KLB: variants seen among roughly 807,000 people sequenced by gnomAD.
KLB encodes the protein beta-klotho.
A neutral mutation model predicts 88.4 loss-of-function variants in KLB; 44 were observed. The observed-to-expected ratio is 0.50, with a 90% confidence interval of 0.39 to 0.64. The LOEUF is 0.64. Ranked by LOEUF, KLB falls within the 30% of genes least tolerant of loss-of-function variation. The pLI is 0.00. For missense variants in KLB, 1,137 were observed against 1,304.8 expected, an observed-to-expected ratio of 0.87 and a Z score of 1.98; for synonymous variants, 548 against 513.4, an observed-to-expected ratio of 1.07 and a Z score of -0.91.
intron 1 of KLB, among the ~76,000 whole-genome samples, chr4:39,419,804 C>T (rs944602979): frequency 9.4e-5 from 13 of 138,490 alleles, no homozygotes; most frequent in Non-Finnish European, 1.2e-4. Flanking sequence ...ATTAGCTGGG[C>T]GTAGTGGTGG....
chr4:39,407,382 G>T lies in KLB; in HGVS notation c.433G>T (p.Gly145Ter). The T allele has an allele frequency of 1.2e-6, 2 of 1,613,714 alleles. No homozygotes were observed. Among genetic ancestry groups the T allele is most frequent in the Non-Finnish European group, 1.7e-6 (2 of 1,179,944 alleles). ...AGACTTATCAGCCCTGGATTTTATAGGAGTTTCTTTTTATCAATTTTCAAT... is the reference window on the plus strand; with the variant it reads ...AGACTTATCAGCCCTGGATTTTATATGAGTTTCTTTTTATCAATTTTCAAT... ...EKDLSALDFIGVSFYQFSISW... is the reference protein window; with the variant it reads ...EKDLSALDFI Residue 145 changes from glycine to a stop codon, truncating the protein, a stop_gained, in exon 1 of 5, where the codon GGA (glycine) becomes TGA (stop). Transcript: ENST00000257408. LOFTEE classifies it high-confidence loss of function.
At chr4:39,420,854 C>T (rs1419691723) in intron 1 of KLB, among the ~76,000 whole-genome samples, 1 of 149,682 alleles carries the variant, frequency 6.7e-6, no homozygotes, top group African/African-American at 2.4e-5. Flanking sequence ...ATTTGTATTG[C>T]AAAACATTCA....
At position 39,447,411 on chromosome 4, in the gene KLB, G is replaced by A. The variant is rs138363861; in HGVS notation, c.2685G>A (p.Gln895=). 15 of 1,612,790 alleles carry A rather than the reference G, an allele frequency of 9.3e-6. No individual in the cohort carries two copies. The African/African-American group carries it at 1.5e-4, about 16-fold the overall frequency. The change falls in exon 4 of 5, where the codon CAG becomes CAA. Residue 895 remains glutamine, a synonymous_variant. Transcript: ENST00000257408. ...IYITASGIDD[Q]ALEDDRLRKY... The stretch of plus-strand genomic sequence containing the variant: ...TCACCGCCAGTGGCATCGACGACCA[G>A]GCTCTGGAGGATGACCGGCTCCGGA...
At position 39,444,188 on chromosome 4, in the gene KLB, T is replaced by G. The variant is rs982984245; in HGVS notation, c.1606-2144T>G. Among the ~76,000 whole-genome samples, 7 of 152,096 alleles carry G rather than the reference T, an allele frequency of 4.6e-5. No homozygotes were observed. The East Asian group carries it at 1.3e-3, about 29-fold the overall frequency. The stretch of plus-strand genomic sequence containing the variant: ...AACAAACAAACAAACAAACAAAACA[T>G]TCTTTCATGAACCTTGCCTTAATCA... On this transcript the variant is annotated intron_variant, in intron 3 of 4. Coordinates refer to ENST00000257408, the MANE Select transcript of KLB (RefSeq NM_175737.4).
chr4:39,434,697 A>G lies in KLB; in HGVS notation c.1313A>G (p.Asn438Ser). 1.2e-6 allele frequency: 2 copies of G among 1,613,078 alleles called. No homozygotes were observed. Among genetic ancestry groups the G allele is most frequent in the Non-Finnish European group, 1.7e-6 (2 of 1,179,506 alleles). Residue 438 changes from asparagine (N) to serine (S), a missense_variant, in exon 2 of 5, where the codon AAT (asparagine) becomes AGT (serine). This residue lies in a region of KLB where 597 missense variants were observed against 765.2 expected (regional missense o/e 0.78). Transcript: ENST00000257408. Reference protein sequence around the residue: ...EDTTAIYMMKNFLSQVLQAIR... With the variant: ...EDTTAIYMMKSFLSQVLQAIR... The stretch of plus-strand genomic sequence containing the variant: ...ACCACGGCCATCTACATGATGAAGA[A>G]TTTCCTCAGCCAGGTGCTTCAAGGT...
At chr4:39,438,959 C>G (rs755716876) in intron 3 of KLB, among the ~76,000 whole-genome samples, 11 of 150,432 alleles carry the variant, frequency 7.3e-5, no homozygotes, top group Admixed American at 2.0e-4. Context: ...TCCACATGCA[C>G]AGTGATTTAA....
At chr4:39,414,669 G>C (rs1205753665) in intron 1 of KLB, among the ~76,000 whole-genome samples, 1 of 151,768 alleles carries the variant, frequency 6.6e-6, no homozygotes, top group Non-Finnish European at 1.5e-5. Context: ...AGGAGTTCGA[G>C]ACCAGCCTGG....
At position 39,407,166 on chromosome 4, in the gene KLB, A is replaced by T. The variant is rs1242112374; in HGVS notation, c.217A>T (p.Ser73Cys). 6.2e-7 allele frequency: 1 copy of T among 1,614,150 alleles called. No individual in the cohort carries two copies. Among genetic ancestry groups the T allele is most frequent in the Admixed American group, 1.7e-5 (1 of 60,014 alleles). Residue 73 changes from serine (S) to cysteine (C), a missense_variant, in exon 1 of 5, where the codon AGT (serine) becomes TGT (cysteine). Physicochemically the swap from Ser to Cys is moderately radical, Grantham distance 112. Around this residue, in one of 4 missense-constraint regions of KLB, gnomAD observed 111 missense variants for 118.3 expected, o/e 0.94. Transcript: ENST00000257408. ...TCCTAATTTTACTCCGGTAAATGAA[A>T]GTCAGCTGTTTCTCTATGACACTTT... ...KNPNFTPVNE[S>C]QLFLYDTFPK...
rs1368306527 is a variant in KLB at position 39,450,875 on chromosome 4, AG to A, written c.*2191del. 2 of 151,312 alleles carry A rather than the reference AG, an allele frequency of 1.3e-5. No individual in the cohort carries two copies. The highest frequency in any genetic ancestry group is 1.9e-4 in the East Asian group (1 of 5,182). 9.4% of individuals were successfully genotyped at this position (151,312 alleles called of 1,614,324 possible). A position where few individuals can be genotyped will look rare whatever the true frequency, so the allele number is the denominator to read the frequency against. ...CAAGGGCTTGGGAAAAAAAAAAAAA[AG>A]GTTAGCCACAGGAATAACAAAAACC... On this transcript the variant is annotated 3_prime_UTR_variant, in exon 5 of 5. Transcript: ENST00000257408.
rs1277537330 is a variant in KLB, at chr4:39,446,023, T to C, written c.1606-309T>C. Among the ~76,000 whole-genome samples, 1 of 152,124 alleles carries C rather than the reference T, an allele frequency of 6.6e-6. No individual in the cohort carries two copies. The highest frequency in any genetic ancestry group is 2.4e-5 in the African/African-American group (1 of 41,428). On this transcript the variant is annotated intron_variant, in intron 3 of 4. Transcript: ENST00000257408. This position sits in a 1 kb window ranked among gnomAD's most constrained non-coding sequence, Gnocchi z 6.4. ...TCTTTTGTAATTGCTTTTAATTGAG[T>C]GTACCAAGCCAATTTCCTGATGCAT...
chr4:39,445,686 T>TG (rs35400735), intron 3 of KLB, among the ~76,000 whole-genome samples: 41,673 of 105,018 alleles, frequency 0.4, 6,480 homozygotes, highest in South Asian at 0.57. Context: ...GTTTTTTTGT[T>TG]TTTTTTTTTT....
intron 1 of KLB, among the ~76,000 whole-genome samples, chr4:39,409,171 G>C (rs1742787827): frequency 1.3e-5 from 2 of 151,788 alleles, no homozygotes; most frequent in African/African-American, 4.8e-5. Context: ...TTAATGTGTG[G>C]GTATACTGTG....
intron 1 of KLB, among the ~76,000 whole-genome samples, chr4:39,413,883 T>C (rs926597623): frequency 6.6e-6 from 1 of 152,196 alleles, no homozygotes; most frequent in African/African-American, 2.4e-5. Context: ...AAATACTGTT[T>C]ACATAGTACA....
chr4:39,438,128 G>C, intron 3 of KLB, 133 bp downstream of exon 3: 5 of 831,730 alleles, frequency 6.0e-6, no homozygotes, highest in Non-Finnish European at 9.2e-6. Flanking sequence ...ATGAAGGAGA[G>C]CTAGGGAAAG....
chr4:39,441,002 C>T (rs979359589), intron 3 of KLB, among the ~76,000 whole-genome samples: 2 of 152,056 alleles, frequency 1.3e-5, no homozygotes, highest in South Asian at 4.1e-4. Flanking sequence ...ATTACAGGTG[C>T]CTGTCACCAT....
Position 39,447,061 on chromosome 4 carries a change from A to C in KLB, c.2335A>C (p.Thr779Pro), listed in dbSNP as rs1279256262. ...IAWFAEPLFK[T>P]GDYPAAMREY... is the part of the protein sequence containing the mutation. ...CTGGTTCGCCGAGCCGCTCTTCAAGACCGGGGACTACCCCGCGGCCATGAG... is the reference window on the plus strand; with the variant it reads ...CTGGTTCGCCGAGCCGCTCTTCAAGCCCGGGGACTACCCCGCGGCCATGAG... Residue 779 changes from threonine to proline, a missense_variant, in exon 4 of 5, where the codon ACC becomes CCC. Thr to Pro is a conservative substitution (Grantham distance 38). Coordinates refer to ENST00000257408, the MANE Select transcript of KLB (RefSeq NM_175737.4). 1.2e-6 allele frequency: 2 copies of C among 1,612,726 alleles called. No homozygotes were observed. The highest frequency in any genetic ancestry group is 2.2e-5 in the East Asian group (1 of 44,874).
chr4:39,419,627 T>C (rs1743035042), intron 1 of KLB, among the ~76,000 whole-genome samples: 1 of 151,570 alleles, frequency 6.6e-6, no homozygotes, highest in Non-Finnish European at 1.5e-5. Context: ...ACAAGAAAAA[T>C]AAGCTGGGTA....
Position 39,448,988 on chromosome 4 carries a change from T to C in KLB, c.*302T>C. ...CCATCATTCTGCTTTAGCTTTCATC[T>C]CTACCAATAGCTACTTGTGGTACAA... On this transcript the variant is annotated 3_prime_UTR_variant, in exon 5 of 5. Coordinates refer to ENST00000257408, the MANE Select transcript of KLB (RefSeq NM_175737.4). 3.7e-6 allele frequency: 1 copy of C among 267,270 alleles called. No homozygotes were observed. The allele number at this position is 267,270 out of a possible 1,614,324, so 16.6% of individuals were successfully genotyped here.
At chr4:39,415,494 T>C (rs1742946683) in intron 1 of KLB, among the ~76,000 whole-genome samples, 1 of 151,838 alleles carries the variant, frequency 6.6e-6, no homozygotes, top group African/African-American at 2.4e-5. Flanking sequence ...ACTGCATCTC[T>C]AAAAAAATAA....
Sources: allele counts gnomAD v4.1 joint callset (sites outside exome capture counted in the v4.1 genomes callset), GRCh38; gene constraint gnomAD v4.1.1; regional missense constraint gnomAD v4.1.1; non-coding constraint Gnocchi (gnomAD v3.1); transcripts MANE v1.5; gene names NCBI Gene and HGNC (gene_info 2026-07-23, HGNC 2026-07-21).